ELOVL4: variants seen among roughly 807,000 people sequenced by gnomAD.
ELOVL4 encodes the protein very long chain fatty acid elongase 4.
ELOVL4 carries 18 observed loss-of-function variants against 42.1 expected under a neutral mutation model. That is an observed-to-expected ratio of 0.43 (90% confidence interval 0.30 to 0.63). The LOEUF is 0.63. ELOVL4 is among the 30% of genes least tolerant of loss of function. ELOVL4 has a pLI of 0.15. For synonymous variants in ELOVL4, 117 were observed against 127.0 expected (o/e 0.92, Z 0.53); for missense variants, 299 against 376.2 (o/e 0.79, Z 1.70).
At position 79,933,711 on chromosome 6, in the gene ELOVL4, A is replaced by C. The variant is rs1774494502; in HGVS notation, c.101-7330T>G. 2.0e-5 allele frequency among the ~76,000 whole-genome samples: 3 copies of C among 152,198 alleles called. No homozygotes were observed. The South Asian group carries it at 6.2e-4, about 32-fold the overall frequency. ...ATAGATTCCCAGGTCCTACTGAATC[A>C]AAATCTCTGCGGGTGGGACTGGACA... On this transcript the variant is annotated intron_variant, in intron 1 of 5. Coordinates refer to ENST00000369816, the MANE Select transcript of ELOVL4 (RefSeq NM_022726.4).
intron 1 of ELOVL4, among the ~76,000 whole-genome samples, chr6:79,940,627 T>C (rs1196537409): frequency 2.0e-5 from 3 of 152,170 alleles, no homozygotes; most frequent in Admixed American, 2.0e-4. Context: ...GGCTGCTGTT[T>C]TAGGAGATGT....
At chr6:79,920,337 T>A (rs9448858) in intron 4 of ELOVL4, among the ~76,000 whole-genome samples, 1 of 152,078 alleles carries the variant, frequency 6.6e-6, no homozygotes, top group African/African-American at 2.4e-5. Context: ...TGAATCATCC[T>A]TAATCTACAG....
intron 1 of ELOVL4, among the ~76,000 whole-genome samples, chr6:79,943,238 A>T (rs985419535): frequency 1.3e-5 from 2 of 152,212 alleles, no homozygotes; most frequent in Non-Finnish European, 2.9e-5. Flanking sequence ...GCAATCCCTA[A>T]GACAAACCTG....
chr6:79,936,567 T>C (rs913265176), intron 1 of ELOVL4, among the ~76,000 whole-genome samples: 18 of 152,220 alleles, frequency 1.2e-4, no homozygotes, highest in African/African-American at 4.1e-4. Context: ...ATGTCAGGTA[T>C]GTAAGAGTCT....
intron 3 of ELOVL4, among the ~76,000 whole-genome samples, chr6:79,922,996 A>C (rs1446274960): frequency 6.6e-6 from 1 of 152,186 alleles, no homozygotes; most frequent in African/African-American, 2.4e-5. Flanking sequence ...CTATTATATT[A>C]GTTCTTTAAA....
intron 1 of ELOVL4, 81 bp from the exon 2 acceptor site, chr6:79,926,462 T>G (rs1008741604): frequency 7.3e-7 from 1 of 1,377,828 alleles, no homozygotes. Flanking sequence ...TCAAGATGTT[T>G]CAACTTAATT....
At chr6:79,933,061 A>T (rs1236203592) in intron 1 of ELOVL4, among the ~76,000 whole-genome samples, 1 of 152,210 alleles carries the variant, frequency 6.6e-6, no homozygotes, top group Non-Finnish European at 1.5e-5. Context: ...GCCCAGAAGC[A>T]AGAAATAAAA....
In ELOVL4 at chr6:79,916,811, G is replaced by A. The variant is rs1453479494; in HGVS notation, c.742C>T (p.His248Tyr). ...ATTGCATAGGCAATTAGAGCCCAGT[G>A]CATCCATTTGGGGAAGGGGCAGTCA... ...YTDCPFPKWM[H>Y]WALIAYAISF... Residue 248 changes from histidine (H) to tyrosine (Y), a missense_variant, in exon 6 of 6, where the codon CAC becomes TAC. By Grantham distance (83) the His-to-Tyr change is moderately conservative. Transcript: ENST00000369816. 1 of 1,614,158 alleles carries A rather than the reference G, an allele frequency of 6.2e-7. No individual in the cohort carries two copies.
chr6:79,939,744 ATCCTTGAGCCTCCACC>A (rs1489965894), intron 1 of ELOVL4, among the ~76,000 whole-genome samples: 4 of 151,920 alleles, frequency 2.6e-5, no homozygotes, highest in Non-Finnish European at 4.4e-5. Flanking sequence ...GGCTCAAGTG[ATCCTTGAGCCTCCACC>A]TCCCAAAGTG....
intron 5 of ELOVL4, among the ~76,000 whole-genome samples, chr6:79,918,798 A>G (rs1774201865): frequency 6.6e-6 from 1 of 152,240 alleles, no homozygotes; most frequent in African/African-American, 2.4e-5. Flanking sequence ...CAGTCTTACT[A>G]GCGGGATGTG....
chr6:79,937,903 C>T (rs1774573488), intron 1 of ELOVL4, among the ~76,000 whole-genome samples: 1 of 152,144 alleles, frequency 6.6e-6, no homozygotes, highest in South Asian at 2.1e-4. Flanking sequence ...ACTAAATGCT[C>T]AATAAATGGT....
chr6:79,916,555 T>C lies in ELOVL4; in HGVS notation c.*53A>G, dbSNP rs1774163824. The C allele has an allele frequency of 3.1e-6, 5 of 1,607,474 alleles. No individual in the cohort carries two copies. Among genetic ancestry groups the C allele is most frequent in the Non-Finnish European group, 4.2e-6 (5 of 1,176,520 alleles). On this transcript the variant is annotated 3_prime_UTR_variant, in exon 6 of 6. Transcript: ENST00000369816. ...TGCTTCTGTTTTCCCTGAAATTTTA[T>C]ATGATATGGGAGTTTTTCCTCACTG... is the stretch of plus-strand genomic sequence containing the variant.
chr6:79,922,758 A>G (rs1294699489), intron 3 of ELOVL4, among the ~76,000 whole-genome samples: 1 of 152,200 alleles, frequency 6.6e-6, no homozygotes, highest in African/African-American at 2.4e-5. Context: ...TGCACCTGGT[A>G]TATGTCATGA....
intron 3 of ELOVL4, among the ~76,000 whole-genome samples, chr6:79,923,895 C>T (rs192154310): frequency 3.5e-4 from 54 of 152,200 alleles, no homozygotes; most frequent in African/African-American, 1.3e-3. Context: ...ATTTTGTCTC[C>T]AGTCTTGATG....
At position 79,915,257 on chromosome 6, in the gene ELOVL4, C is replaced by CT. The variant is rs1774137925; in HGVS notation, c.*1350dup. ...AAAACATGATACAAATTCTTTCCTA[C>CT]TTTATTTCCAGTTGTTCACTTATAT... On this transcript the variant is annotated 3_prime_UTR_variant, in exon 6 of 6. Coordinates refer to ENST00000369816, the MANE Select transcript of ELOVL4 (RefSeq NM_022726.4). The CT allele has an allele frequency of 6.6e-6, 1 of 152,464 alleles. No homozygotes were observed. The highest frequency in any genetic ancestry group is 1.5e-5 in the Non-Finnish European group (1 of 67,978). 9.4% of individuals were successfully genotyped at this position (152,464 alleles called of 1,614,324 possible). A position where few individuals can be genotyped will look rare whatever the true frequency, so the allele number is the denominator to read the frequency against.
chr6:79,928,927 G>C (rs536125112), intron 1 of ELOVL4, among the ~76,000 whole-genome samples: 1 of 151,768 alleles, frequency 6.6e-6, no homozygotes, highest in East Asian at 1.9e-4. Context: ...TATATAGTGT[G>C]GTGCACTGTT....
In ELOVL4 at chr6:79,926,174, A is replaced by C. The variant is rs1456219045; in HGVS notation, c.288+20T>G. The C allele has an allele frequency of 6.3e-7, 1 of 1,599,536 alleles. No homozygotes were observed. The highest frequency in any genetic ancestry group is 1.7e-5 in the Admixed American group (1 of 59,844). ...TTCCAATAACCTTGGAAAATTATTA[A>C]AGTGATCTTAAAAACATACCTCTCT... On this transcript the variant is annotated intron_variant, in intron 2 of 5. Transcript: ENST00000369816.
chr6:79,925,423 T>C (rs771507972), intron 2 of ELOVL4, among the ~76,000 whole-genome samples: 9 of 152,336 alleles, frequency 5.9e-5, no homozygotes, highest in Non-Finnish European at 1.2e-4. Flanking sequence ...AAAGTGTTCA[T>C]GAAGTTGAGA....
At chr6:79,925,689 G>T (rs966912990) in intron 2 of ELOVL4, among the ~76,000 whole-genome samples, 43 of 152,088 alleles carry the variant, frequency 2.8e-4, no homozygotes, top group African/African-American at 9.7e-4. Flanking sequence ...CAGCTATATG[G>T]CAGTTAATTC....
Sources: gnomAD v4.1 joint callset for allele counts (sites outside exome capture counted in the v4.1 genomes callset) on GRCh38, gnomAD v4.1.1 for gene constraint, MANE v1.5 for transcripts, NCBI Gene and HGNC (gene_info 2026-07-23, HGNC 2026-07-21) for gene names.